NCOR1: variants seen among roughly 807,000 people sequenced by gnomAD.
The protein encoded by NCOR1 is protein phosphatase 1, regulatory subunit 109.
A neutral mutation model predicts 288.1 loss-of-function variants in NCOR1; 63 were observed. That is an observed-to-expected ratio of 0.22 (90% CI 0.18 to 0.27). The LOEUF is 0.27. NCOR1 is among the 10% of genes least tolerant of loss of function. The probability of loss-of-function intolerance (pLI) is 1.00; values close to 1 mark genes in which losing one functional copy is unlikely to be tolerated. For missense variants in NCOR1, 2,397 were observed against 3,019.2 expected (o/e 0.79, Z 4.83); for synonymous variants, 1,007 against 1,065.9 (o/e 0.94, Z 1.08).
At chr17:16,196,640 G>A (rs178808) in intron 1 of NCOR1, among the ~76,000 whole-genome samples, 57,250 of 151,546 alleles carry the variant, frequency 0.38, 13,431 homozygotes, top group Non-Finnish European at 0.51. Flanking sequence ...CCTGGCTAAC[G>A]CGGTGAAACC....
chr17:16,167,631 G>A (rs555359587), intron 4 of NCOR1, among the ~76,000 whole-genome samples: 3 of 151,646 alleles, frequency 2.0e-5, no homozygotes, highest in East Asian at 1.9e-4. Flanking sequence ...AGGCCGAGGC[G>A]GGCAGATCAC....
chr17:16,215,185 T>C (rs1300229474), intron 1 of NCOR1, among the ~76,000 whole-genome samples, 177 bp downstream of exon 1: 2 of 152,098 alleles, frequency 1.3e-5, no homozygotes, highest in Non-Finnish European at 2.9e-5. Flanking sequence ...GGCTCTCTCC[T>C]GGGCTGCCGA....
At chr17:16,173,011 A>C (rs1449932461) in intron 3 of NCOR1, among the ~76,000 whole-genome samples, 1 of 151,988 alleles carries the variant, frequency 6.6e-6, no homozygotes, top group Non-Finnish European at 1.5e-5. Flanking sequence ...GCTCACTGCA[A>C]CCTCCACCTC....
intron 2 of NCOR1, among the ~76,000 whole-genome samples, chr17:16,193,983 A>T (rs1464254544): frequency 6.6e-6 from 1 of 152,154 alleles, no homozygotes; most frequent in African/African-American, 2.4e-5. Flanking sequence ...TCACAAGGTA[A>T]ATCAATCTCT....
chr17:16,077,486 AG>A, intron 26 of NCOR1, among the ~76,000 whole-genome samples: 3 of 22,670 alleles, frequency 1.3e-4, no homozygotes, highest in East Asian at 1.2e-3. Context: ...AGGAGAGGGG[AG>A]GAGAGGGGAG....
At chr17:16,118,308 A>G (rs183108951) in intron 17 of NCOR1, among the ~76,000 whole-genome samples, 127 of 152,320 alleles carry the variant, frequency 8.3e-4, no homozygotes, top group African/African-American at 2.9e-3. Flanking sequence ...GGACAACATT[A>G]GACACATTAG....
At chr17:16,124,452 T>C (rs1186992071) in intron 15 of NCOR1, among the ~76,000 whole-genome samples, 1 of 152,204 alleles carries the variant, frequency 6.6e-6, no homozygotes, top group Non-Finnish European at 1.5e-5. Flanking sequence ...GATGGAAACA[T>C]TCTACATCAC....
chr17:16,037,184 T>C (rs979121331), intron 44 of NCOR1, among the ~76,000 whole-genome samples: 1 of 152,326 alleles, frequency 6.6e-6, no homozygotes, highest in African/African-American at 2.4e-5. Flanking sequence ...ACACCACCTT[T>C]ATGGGTTGTT....
chr17:16,094,791 T>C (rs1287755257), intron 21 of NCOR1, among the ~76,000 whole-genome samples: 1 of 152,208 alleles, frequency 6.6e-6, no homozygotes, highest in African/African-American at 2.4e-5. Flanking sequence ...GGTCTCCAGC[T>C]CCTAACCGCG....
intron 42 of NCOR1, among the ~76,000 whole-genome samples, chr17:16,045,476 C>T (rs1264390701): frequency 3.3e-5 from 5 of 152,124 alleles, no homozygotes; most frequent in Non-Finnish European, 7.4e-5. Context: ...TAACCTTTTG[C>T]TACCATTATT....
At position 16,117,880 on chromosome 17, in the gene NCOR1, A is replaced by C. The variant is rs1598878627; in HGVS notation, c.2055+8T>G. The stretch of plus-strand genomic sequence containing the variant: ...GTAAGTAAAGAGTCACCACCCCAAT[A>C]TACTCACTTTCTGTTTATGCTGCTG... On this transcript the variant is annotated splice_region_variant and intron_variant, in intron 18 of 45. Coordinates refer to ENST00000268712, the MANE Select transcript of NCOR1 (RefSeq NM_006311.4). The C allele has an allele frequency of 6.2e-7, 1 of 1,612,576 alleles. No homozygotes were observed. The highest frequency in any genetic ancestry group is 1.3e-5 in the African/African-American group (1 of 74,940).
intron 8 of NCOR1, among the ~76,000 whole-genome samples, chr17:16,150,007 C>A (rs2078606410): frequency 6.6e-6 from 1 of 152,090 alleles, no homozygotes; most frequent in South Asian, 2.1e-4. Context: ...CACAGAATGA[C>A]ACAATCCACT....
rs530547046 is a variant in NCOR1, at chr17:16,095,899, G to C, written c.2820+2468C>G. On this transcript the variant is annotated intron_variant, in intron 21 of 45. Coordinates refer to ENST00000268712, the MANE Select transcript of NCOR1 (RefSeq NM_006311.4). ...TGGAATAGAAAAGGGGGCAAGGTGGGGAAAAGATTGAGAAATCGGATGGTT... is the reference window on the plus strand; with the variant it reads ...TGGAATAGAAAAGGGGGCAAGGTGGCGAAAAGATTGAGAAATCGGATGGTT... 7.2e-5 allele frequency among the ~76,000 whole-genome samples: 11 copies of C among 152,212 alleles called. No individual in the cohort carries two copies. In the South Asian group the frequency reaches 2.1e-3, roughly 29 times the overall value.
intron 42 of NCOR1, among the ~76,000 whole-genome samples, chr17:16,045,769 G>A (rs1353075831): frequency 6.6e-6 from 1 of 152,056 alleles, no homozygotes. Flanking sequence ...GCCTTGCAAA[G>A]TGCTGGGATT....
rs749427184 is a variant in NCOR1, at chr17:16,052,579, A to G, written c.6393-3591T>C. Among the ~76,000 whole-genome samples the G allele has an allele frequency of 3.4e-4, 51 of 152,190 alleles. 1 individual carries two copies. Among genetic ancestry groups the G allele is most frequent in the Non-Finnish European group, 6.6e-4 (45 of 68,034 alleles). ...AAAAACTGATTCCCTGAACAGACCA[A>G]TAACATGCTCTGAAATTGAGTCAGT... On this transcript the variant is annotated intron_variant, in intron 40 of 45. Coordinates refer to ENST00000268712, the MANE Select transcript of NCOR1 (RefSeq NM_006311.4).
intron 1 of NCOR1, among the ~76,000 whole-genome samples, chr17:16,196,883 G>A (rs62072518): frequency 1.3e-4 from 19 of 151,662 alleles, no homozygotes; most frequent in African/African-American, 9.7e-5. Flanking sequence ...CAGGCATGGC[G>A]GTACACACCC....
At chr17:16,173,262 A>C (rs1459148894) in intron 3 of NCOR1, among the ~76,000 whole-genome samples, 1 of 152,212 alleles carries the variant, frequency 6.6e-6, no homozygotes, top group African/African-American at 2.4e-5. Context: ...TCAAAATTTT[A>C]AATCTCATTC....
At chr17:16,210,836 T>C (rs1202427967) in intron 1 of NCOR1, among the ~76,000 whole-genome samples, 1 of 151,984 alleles carries the variant, frequency 6.6e-6, no homozygotes, top group Non-Finnish European at 1.5e-5. Flanking sequence ...TTCACGCCAT[T>C]CTCCTGCCTC....
At chr17:16,203,866 C>T (rs1439300727) in intron 1 of NCOR1, among the ~76,000 whole-genome samples, 1 of 152,090 alleles carries the variant, frequency 6.6e-6, no homozygotes, top group African/African-American at 2.4e-5. Flanking sequence ...ATAAAGATGT[C>T]AATTTCCCCA....
Sources: allele counts gnomAD v4.1 joint callset (sites outside exome capture counted in the v4.1 genomes callset), GRCh38; gene constraint gnomAD v4.1.1; transcripts MANE v1.5; gene names NCBI Gene and HGNC (gene_info 2026-07-23, HGNC 2026-07-21).